The following CSF2RA variants were observed in gnomAD, a reference collection of about 807,000 sequenced individuals.
CSF2RA encodes the protein colony stimulating factor 2 receptor subunit alpha.
In CSF2RA, 42 loss-of-function variants were observed where a neutral mutation model predicts 51.6. That is an observed-to-expected ratio of 0.81 (90% CI 0.64 to 1.05). The LOEUF is 1.05. CSF2RA is among the 50% of genes least tolerant of loss of function. The pLI, the probability that CSF2RA is intolerant of heterozygous loss-of-function variation, is 0.00. For synonymous variants in CSF2RA, 222 were observed against 193.0 expected, an observed-to-expected ratio of 1.15 and a Z score of -1.24; for missense variants, 530 against 501.1, an observed-to-expected ratio of 1.06 and a Z score of -0.55.
chrX:1,282,489 T>C (rs1395969407), intron 2 of CSF2RA, 189 bp from the exon 3 acceptor site: 107 of 647,328 alleles, frequency 1.7e-4, no homozygotes, highest in Non-Finnish European at 2.8e-4. Context: ...GTCCACGTCC[T>C]AATCCCATGT....
At chrX:1,296,622 T>A (rs376520636) in intron 9 of CSF2RA, among the ~76,000 whole-genome samples, 9 of 31,832 alleles carry the variant, frequency 2.8e-4, no homozygotes, top group East Asian at 9.4e-4. Context: ...CTCCTACCCA[T>A]GACCCCTGGC....
intron 4 of CSF2RA, among the ~76,000 whole-genome samples, chrX:1,286,991 A>G (rs1468220136): frequency 6.6e-6 from 1 of 151,868 alleles, no homozygotes; most frequent in Non-Finnish European, 1.5e-5. Context: ...AGGAGGAGGG[A>G]GAGGAAGAGA....
chrX:1,296,667 G>T (rs370594492), intron 9 of CSF2RA, among the ~76,000 whole-genome samples: 1 of 26,606 alleles, frequency 3.8e-5, no homozygotes, highest in Non-Finnish European at 7.8e-5. Flanking sequence ...GACCCCTACA[G>T]TCTCCTACCC....
chrX:1,305,338 G>A, intron 11 of CSF2RA, 108 bp from the exon 12 acceptor site: 2 of 1,254,060 alleles, frequency 1.6e-6, no homozygotes, highest in Non-Finnish European at 2.3e-6. Context: ...GTTTTGCATA[G>A]TTGAGCGCAG....
intron 1 of CSF2RA, among the ~76,000 whole-genome samples, chrX:1,269,585 T>G (rs1252867611): frequency 6.8e-6 from 1 of 148,132 alleles, no homozygotes; most frequent in African/African-American, 2.5e-5. Flanking sequence ...ATTGCACCAC[T>G]GCACTCCAGC....
the CSF2RA span, among the ~76,000 whole-genome samples, chrX:1,320,725 A>G: frequency 7.1e-6 from 1 of 140,566 alleles, no homozygotes; most frequent in African/African-American, 2.7e-5. Context: ...GTTGGCCAGG[A>G]TGGTCTCGAT....
downstream of CSF2RA, among the ~76,000 whole-genome samples, chrX:1,314,340 ACTGCGCCTGCCCAACCC>A (rs2084352193): frequency 5.3e-5 from 7 of 133,184 alleles, no homozygotes; most frequent in African/African-American, 1.8e-4. Flanking sequence ...GCCCAACCCC[ACTGCGCCTGCCCAACCC>A]CACTGCATCT....
At chrX:1,314,801 A>G (rs1237689913), downstream of CSF2RA, among the ~76,000 whole-genome samples, 14 of 72,902 alleles carry the variant, frequency 1.9e-4, 1 homozygote, top group East Asian at 1.7e-3. Context: ...ATCCCACTGC[A>G]CCTGCCCAAC....
In CSF2RA at chrX:1,296,581, T is replaced by C. The variant is rs28416817; in HGVS notation, c.810+1125T>C. ...TCCTACCCATGACCCCTGGCGGAAC[T>C]GTACAGTCCCCTACTCACGACCCCT... On this transcript the variant is annotated intron_variant, in intron 9 of 12. Transcript: ENST00000381529. Among the ~76,000 whole-genome samples the C allele has an allele frequency of 4.5e-3, 34 of 7,556 alleles. 3 individuals are homozygous for C. Among genetic ancestry groups the C allele is most frequent in the East Asian group, 0.01 (3 of 290 alleles). The allele number at this position is 7,556 out of a possible 152,430, so 5.0% of individuals were successfully genotyped here. A position where few individuals can be genotyped will look rare whatever the true frequency, so the allele number is the denominator to read the frequency against.
the CSF2RA span, among the ~76,000 whole-genome samples, chrX:1,325,112 G>C: frequency 2.6e-5 from 4 of 151,420 alleles, no homozygotes; most frequent in South Asian, 8.3e-4. Flanking sequence ...TGTCATCCCA[G>C]CACTTTGGGA....
intron 2 of CSF2RA, among the ~76,000 whole-genome samples, chrX:1,279,988 C>G (rs1439949554): frequency 2.0e-5 from 3 of 151,844 alleles, no homozygotes; most frequent in African/African-American, 7.3e-5. Context: ...TGAGGTTTCA[C>G]CGTATTAGCC....
At chrX:1,309,272 A>T (rs1313652536) in intron 12 of CSF2RA, 130 bp from the exon 13 acceptor site, 2 of 925,848 alleles carry the variant, frequency 2.2e-6, no homozygotes, top group Non-Finnish European at 3.5e-6. Flanking sequence ...CTGAGATGAC[A>T]CCACTGCACT....
chrX:1,288,845 GC>G lies in CSF2RA; in HGVS notation c.436del (p.Arg146ValfsTer41). On this transcript the variant is annotated frameshift_variant, in exon 6 of 13. Transcript: ENST00000381529. LOFTEE classifies it high-confidence loss of function. ...CTGTACCTGGGCGAGGGGTCCGACG[GC>G]CCCCCGTGACGTCCAGTATTTTTTG... ...MNCTWARGPT[A>X]PRDVQYFLYI... 6.2e-7 allele frequency: 1 copy of G among 1,613,908 alleles called. No homozygotes were observed. Among genetic ancestry groups the G allele is most frequent in the Non-Finnish European group, 8.5e-7 (1 of 1,179,856 alleles).
At chrX:1,313,311 G>A (rs1256030582), downstream of CSF2RA, among the ~76,000 whole-genome samples, 16 of 151,778 alleles carry the variant, frequency 1.1e-4, no homozygotes, top group Non-Finnish European at 1.3e-4. Flanking sequence ...GCACACGCCT[G>A]TAATCCCAGC....
chrX:1,300,503 G>A lies in CSF2RA; in HGVS notation c.823G>A (p.Gly275Ser), dbSNP rs767589769. 6.2e-7 allele frequency: 1 copy of A among 1,613,880 alleles called. No individual in the cohort carries two copies. The highest frequency in any genetic ancestry group is 8.5e-7 in the Non-Finnish European group (1 of 1,179,822). Residue 275 changes from glycine (G) to serine (S), a missense_variant, in exon 10 of 13, where the codon GGT (glycine) becomes AGT (serine). Gly to Ser is a moderately conservative substitution (Grantham distance 56, BLOSUM62 0). Coordinates refer to ENST00000381529, the MANE Select transcript of CSF2RA (RefSeq NM_172245.4). Reference protein sequence around the residue: ...GTENLLINVSGDLENRYNFPS... With the variant: ...GTENLLINVSSDLENRYNFPS... The stretch of plus-strand genomic sequence containing the variant: ...TTTTCCTCCAAAGATTAATGTTTCT[G>A]GTGATTTGGAAAATAGATACAACTT...
chrX:1,317,409 G>A, the CSF2RA span, among the ~76,000 whole-genome samples: 642 of 149,340 alleles, frequency 4.3e-3, 4 homozygotes, highest in African/African-American at 0.015. Flanking sequence ...GCACCACCAC[G>A]CCCGGCTAAT....
the CSF2RA span, among the ~76,000 whole-genome samples, chrX:1,317,935 T>C: frequency 6.6e-6 from 1 of 151,164 alleles, no homozygotes; most frequent in Non-Finnish European, 1.5e-5. Context: ...GCCTCCTTAG[T>C]AGCTTGGATG....
chrX:1,285,637 G>C (rs1671562895), intron 3 of CSF2RA, 141 bp from the exon 4 acceptor site: 1 of 1,006,710 alleles, frequency 9.9e-7, no homozygotes, highest in Non-Finnish European at 1.4e-6. Context: ...GGAGCTTGCA[G>C]CTTGCAGTGA....
chrX:1,290,350 A>G lies in CSF2RA; in HGVS notation c.487A>G (p.Ile163Val). The change falls in exon 7 of 13, where the codon ATC becomes GTC. Residue 163 changes from isoleucine to valine, a missense_variant. By Grantham distance (29) the Ile-to-Val change is conservative. Transcript: ENST00000381529. ...YIRNSKRRRE[I>V]RCPYYIQDSG... is the part of the protein sequence containing the mutation. ...CTAATCTTTCAGGAGAAGGAGGGAG[A>G]TCCGGTGTCCTTATTACATACAAGA... 2 of 1,612,934 alleles carry G rather than the reference A, an allele frequency of 1.2e-6. No individual in the cohort carries two copies.
Sources: gnomAD v4.1 joint callset for allele counts (sites outside exome capture counted in the v4.1 genomes callset) on GRCh38, gnomAD v4.1.1 for gene constraint, MANE v1.5 for transcripts, NCBI Gene and HGNC (gene_info 2026-07-23, HGNC 2026-07-21) for gene names.